CHD6: variants seen among roughly 807,000 people sequenced by gnomAD.
CHD6 encodes the protein chromodomain helicase DNA binding protein 6.
CHD6 carries 50 observed loss-of-function variants against 276.9 expected under a neutral mutation model. The observed-to-expected ratio is 0.18, with a 90% CI of 0.14 to 0.23. The LOEUF (loss-of-function observed/expected upper bound fraction) is 0.23. Ranked by LOEUF, CHD6 falls within the 10% of genes least tolerant of loss-of-function variation. The pLI is 1.00. For missense variants in CHD6, 2,564 were observed against 3,365.8 expected, an observed-to-expected ratio of 0.76 and a Z score of 5.89; for synonymous variants, 1,173 against 1,229.3, an observed-to-expected ratio of 0.95 and a Z score of 0.96.
intron 27 of CHD6, among the ~76,000 whole-genome samples, chr20:41,427,045 TTC>T (rs1200979131): frequency 6.6e-6 from 1 of 152,134 alleles, no homozygotes; most frequent in Non-Finnish European, 1.5e-5. Context: ...CCTGCAGACT[TTC>T]TGTGTGGCCC....
chr20:41,575,427 A>G (rs1439135489), intron 1 of CHD6, among the ~76,000 whole-genome samples: 3 of 152,218 alleles, frequency 2.0e-5, no homozygotes, highest in East Asian at 3.8e-4. Context: ...CTTTGTGAAA[A>G]GAAACCTCAA....
chr20:41,530,949 C>T (rs1176320970), intron 3 of CHD6, among the ~76,000 whole-genome samples: 1 of 152,146 alleles, frequency 6.6e-6, no homozygotes, highest in Non-Finnish European at 1.5e-5. Context: ...TTTCATACAG[C>T]CTAATTAGAT....
chr20:41,596,624 T>C (rs1348077486), intron 1 of CHD6, among the ~76,000 whole-genome samples: 1 of 150,922 alleles, frequency 6.6e-6, no homozygotes, highest in African/African-American at 2.4e-5. Flanking sequence ...AGGGAAATGA[T>C]AGTTAAAGGG....
chr20:41,530,289 A>G (rs566279436), intron 3 of CHD6, among the ~76,000 whole-genome samples: 18 of 152,370 alleles, frequency 1.2e-4, no homozygotes, highest in African/African-American at 4.3e-4. Context: ...CACTGTTGCC[A>G]ACATAAATAA....
At chr20:41,585,757 A>G (rs2045587966) in intron 1 of CHD6, among the ~76,000 whole-genome samples, 1 of 152,224 alleles carries the variant, frequency 6.6e-6, no homozygotes, top group Non-Finnish European at 1.5e-5. Context: ...CATCAAACGC[A>G]GCAAATACAA....
chr20:41,499,934 G>A (rs2294562), intron 5 of CHD6, among the ~76,000 whole-genome samples: 34,852 of 151,928 alleles, frequency 0.23, 4,157 homozygotes, highest in East Asian at 0.39. Context: ...TTTGTAGCTG[G>A]AAAAGGCTGT....
chr20:41,587,217 G>C (rs2045605482), intron 1 of CHD6, among the ~76,000 whole-genome samples: 1 of 152,126 alleles, frequency 6.6e-6, no homozygotes, highest in African/African-American at 2.4e-5. Flanking sequence ...TTAAAATAGT[G>C]TCCAAAAAAC....
intron 25 of CHD6, among the ~76,000 whole-genome samples, chr20:41,445,304 C>T (rs568356630): frequency 6.6e-6 from 1 of 152,296 alleles, no homozygotes; most frequent in East Asian, 1.9e-4. Context: ...TGAAACTTAG[C>T]ATTTCCCGCC....
At chr20:41,498,718 C>T (rs1052497866) in intron 6 of CHD6, among the ~76,000 whole-genome samples, 1 of 151,916 alleles carries the variant, frequency 6.6e-6, no homozygotes, top group Non-Finnish European at 1.5e-5. Context: ...TACAATGGCC[C>T]TGAGATGTCT....
At chr20:41,463,494 A>G (rs2042849389) in intron 17 of CHD6, among the ~76,000 whole-genome samples, 1 of 152,228 alleles carries the variant, frequency 6.6e-6, no homozygotes, top group Non-Finnish European at 1.5e-5. Flanking sequence ...CCATCATCAG[A>G]CAAATGGACA....
chr20:41,416,932 G>A, intron 32 of CHD6, 138 bp from the exon 33 acceptor site: 1 of 792,752 alleles, frequency 1.3e-6, no homozygotes, highest in Middle Eastern at 3.7e-4. Context: ...CACTTTATAA[G>A]GCTTAAAATA....
rs2046606988 is a variant in CHD6, at chr20:41,404,268, T to C, written c.*325A>G. On this transcript the variant is annotated 3_prime_UTR_variant, in exon 37 of 37. Transcript: ENST00000373233. Reference sequence around the variant, plus strand: ...CCCTAGACAGCTTTCTTTTGCCATTTTTCCTCCTCAAGTGAGTGGGAAACT... The same window carrying C: ...CCCTAGACAGCTTTCTTTTGCCATTCTTCCTCCTCAAGTGAGTGGGAAACT... 9.1e-7 allele frequency: 1 copy of C among 1,096,052 alleles called. No individual in the cohort carries two copies. The allele number at this position is 1,096,052 out of a possible 1,614,324, so 67.9% of individuals were successfully genotyped here.
At chr20:41,611,326 G>A (rs1464785054) in intron 1 of CHD6, among the ~76,000 whole-genome samples, 2 of 152,148 alleles carry the variant, frequency 1.3e-5, no homozygotes, top group African/African-American at 2.4e-5. Context: ...ATACTGGTAC[G>A]ACTGGCCATG....
At chr20:41,420,449 ACCC>A in intron 31 of CHD6, 56 bp downstream of exon 31, 1 of 1,522,028 alleles carries the variant, frequency 6.6e-7, no homozygotes, top group Non-Finnish European at 8.8e-7. Flanking sequence ...CTAAAACCCA[ACCC>A]CCCGTCGTGT....
chr20:41,538,941 C>T (rs761713784), intron 2 of CHD6, among the ~76,000 whole-genome samples: 3 of 152,122 alleles, frequency 2.0e-5, no homozygotes, highest in Non-Finnish European at 4.4e-5. Flanking sequence ...TGGTGACCAC[C>T]CACCTATGGG....
chr20:41,458,231 T>C (rs2048436329), intron 17 of CHD6, among the ~76,000 whole-genome samples: 1 of 152,264 alleles, frequency 6.6e-6, no homozygotes, highest in African/African-American at 2.4e-5. Context: ...GCTACCCTAA[T>C]GTACAGTTCA....
intron 23 of CHD6, among the ~76,000 whole-genome samples, chr20:41,450,531 C>T (rs1441665261): frequency 6.6e-6 from 1 of 151,976 alleles, no homozygotes; most frequent in African/African-American, 2.4e-5. Flanking sequence ...CATACTATCT[C>T]AAATGCATGC....
At chr20:41,420,231 T>C (rs1211351149) in intron 31 of CHD6, among the ~76,000 whole-genome samples, 1 of 152,214 alleles carries the variant, frequency 6.6e-6, no homozygotes, top group Non-Finnish European at 1.5e-5. Flanking sequence ...ACACCATACA[T>C]AGCATCTATT....
At chr20:41,470,698 C>G (rs2043032883) in intron 17 of CHD6, among the ~76,000 whole-genome samples, 1 of 152,256 alleles carries the variant, frequency 6.6e-6, no homozygotes, top group South Asian at 2.1e-4. Flanking sequence ...CACCCAACTT[C>G]CCTGGTTGCT....
Sources: allele counts gnomAD v4.1 joint callset (sites outside exome capture counted in the v4.1 genomes callset), GRCh38; gene constraint gnomAD v4.1.1; transcripts MANE v1.5; gene names NCBI Gene and HGNC (gene_info 2026-07-23, HGNC 2026-07-21).